Variants in FOXB2 observed in about 807,000 individuals in gnomAD.
FOXB2 encodes forkhead box B2.
A neutral mutation model predicts 0.9 loss-of-function variants in FOXB2; 1 was observed. The ratio of observed to expected loss-of-function variants is 1.09; its 90% CI spans 0.39 to 5.18. The LOEUF (loss-of-function observed/expected upper bound fraction) is 5.18, where lower values mean the gene tolerates loss of function less well. Among genes scored for constraint, FOXB2 ranks in the 30% most tolerant of loss-of-function variants. The pLI is 0.16. For synonymous variants in FOXB2, 322 were observed against 293.5 expected (o/e 1.10, Z -0.99); for missense variants, 670 against 626.6 (o/e 1.07, Z -0.74).
At position 77,020,846 on chromosome 9, in the gene FOXB2, T is replaced by C; in HGVS notation, c.1192T>C (p.Cys398Arg). 6.5e-7 allele frequency: 1 copy of C among 1,548,402 alleles called. No individual in the cohort carries two copies. Among genetic ancestry groups the C allele is most frequent in the African/African-American group, 1.4e-5 (1 of 73,300 alleles). ...SQQPPAPSTV[C>R]SAAAASPVAS... ...GCAGCCTCCGGCGCCATCCACCGTG[T>C]GCTCCGCGGCCGCGGCCTCGCCCGT... The change falls in exon 1 of 1, where the codon TGC becomes CGC. Residue 398 changes from cysteine to arginine, a missense_variant. Physicochemically the swap from Cys to Arg is radical, Grantham distance 180. Coordinates refer to ENST00000376708, the MANE Select transcript of FOXB2 (RefSeq NM_001013735.1). The surrounding 1 kb of genome is among the most constrained non-coding windows in gnomAD (Gnocchi z 4.9).
In FOXB2 at chr9:77,020,148, C is replaced by G. The variant is rs770862696; in HGVS notation, c.494C>G (p.Pro165Arg). ...CACCATCACCACCACCCACCCCAGCCGCCGCCGCCGCCGCCCCCGCCGCCG... is the reference window on the plus strand; with the variant it reads ...CACCATCACCACCACCCACCCCAGCGGCCGCCGCCGCCGCCCCCGCCGCCG... ...HHHHHHHPPQ[P>R]PPPPPPPPPH... The change falls in exon 1 of 1, where the codon CCG becomes CGG. Residue 165 changes from proline (P) to arginine (R), a missense_variant. Coordinates refer to ENST00000376708, the MANE Select transcript of FOXB2 (RefSeq NM_001013735.1). This position sits in a 1 kb window ranked among gnomAD's most constrained non-coding sequence, Gnocchi z 4.9. 2 of 1,240,566 alleles carry G rather than the reference C, an allele frequency of 1.6e-6. No individual in the cohort carries two copies. Among genetic ancestry groups the G allele is most frequent in the South Asian group, 2.5e-5 (2 of 80,106 alleles). 76.8% of individuals were successfully genotyped at this position (1,240,566 alleles called of 1,614,324 possible). A position where few individuals can be genotyped will look rare whatever the true frequency, so the allele number is the denominator to read the frequency against.
chr9:77,020,414 G>A lies in FOXB2; in HGVS notation c.760G>A (p.Ala254Thr). 1.3e-6 allele frequency: 2 copies of A among 1,578,784 alleles called. No individual in the cohort carries two copies. The highest frequency in any genetic ancestry group is 2.3e-5 in the South Asian group (2 of 88,668). Reference sequence around the variant, plus strand: ...ACCCTACGGGCTGGGCTCGGCCGCCGCCGCTGCCGCCGCGGCCGCGGCGTC... The same window carrying A: ...ACCCTACGGGCTGGGCTCGGCCGCCACCGCTGCCGCCGCGGCCGCGGCGTC... ...FPPYGLGSAA[A>T]AAAAAAASTS... Residue 254 changes from alanine (A) to threonine (T), a missense_variant, in exon 1 of 1, where the codon GCC (alanine) becomes ACC (threonine). Ala to Thr is a moderately conservative substitution (Grantham distance 58). Coordinates refer to ENST00000376708, the MANE Select transcript of FOXB2 (RefSeq NM_001013735.1). This position sits in a 1 kb window ranked among gnomAD's most constrained non-coding sequence, Gnocchi z 4.9.
Position 77,020,438 on chromosome 9 carries a change from T to G in FOXB2, c.784T>G (p.Ser262Ala). 3.4e-6 allele frequency: 5 copies of G among 1,489,212 alleles called. No individual in the cohort carries two copies. The South Asian group carries it at 3.5e-5, about 11-fold the overall frequency. 92.2% of individuals were successfully genotyped at this position (1,489,212 alleles called of 1,614,324 possible). Residue 262 changes from serine (S) to alanine (A), a missense_variant, in exon 1 of 1, where the codon TCC becomes GCC. Ser to Ala is a moderately conservative substitution (Grantham distance 99, BLOSUM62 1). Coordinates refer to ENST00000376708, the MANE Select transcript of FOXB2 (RefSeq NM_001013735.1). This position sits in a 1 kb window ranked among gnomAD's most constrained non-coding sequence, Gnocchi z 4.9. Reference sequence around the variant, plus strand: ...CGCCGCTGCCGCCGCGGCCGCGGCGTCCACGTCAGGCTTCAAGCACCCCTT... The same window carrying G: ...CGCCGCTGCCGCCGCGGCCGCGGCGGCCACGTCAGGCTTCAAGCACCCCTT... ...AAAAAAAAAA[S>A]TSGFKHPFAI...
rs374096294 is a variant in FOXB2 at position 77,020,443 on chromosome 9, G to C, written c.789G>C (p.Thr263=). The C allele has an allele frequency of 8.4e-6, 13 of 1,551,136 alleles. No individual in the cohort carries two copies. The Admixed American group carries it at 2.2e-4, about 26-fold the overall frequency. Reference sequence around the variant, plus strand: ...CTGCCGCCGCGGCCGCGGCGTCCACGTCAGGCTTCAAGCACCCCTTTGCCA... The same window carrying C: ...CTGCCGCCGCGGCCGCGGCGTCCACCTCAGGCTTCAAGCACCCCTTTGCCA... ...AAAAAAAAAS[T]SGFKHPFAIE... is the part of the protein sequence containing the mutation. The change falls in exon 1 of 1, where the codon ACG becomes ACC. Residue 263 remains threonine, a synonymous_variant. Coordinates refer to ENST00000376708, the MANE Select transcript of FOXB2 (RefSeq NM_001013735.1). The surrounding 1 kb of genome is among the most constrained non-coding windows in gnomAD (Gnocchi z 4.9).
rs2117939569 is a variant in FOXB2, at chr9:77,020,343, C to G, written c.689C>G (p.Ala230Gly). Residue 230 changes from alanine to glycine, a missense_variant, in exon 1 of 1, where the codon GCC (alanine) becomes GGC (glycine). Transcript: ENST00000376708. This position sits in a 1 kb window ranked among gnomAD's most constrained non-coding sequence, Gnocchi z 4.9. ...GCCGTGGCGGCGGCGGCGGCGGCGG[C>G]CGCGGCAGCCGCGGTGGGCAGCGTG... Reference protein sequence around the residue: ...AAAVAAAAAAAAAAAVGSVGR... With the variant: ...AAAVAAAAAAGAAAAVGSVGR... The G allele has an allele frequency of 2.5e-6, 3 of 1,211,504 alleles. No individual in the cohort carries two copies. Among genetic ancestry groups the G allele is most frequent in the African/African-American group, 1.6e-5 (1 of 62,226 alleles). The allele number at this position is 1,211,504 out of a possible 1,614,324, so 75.0% of individuals were successfully genotyped here.
In FOXB2 at chr9:77,020,328, C is replaced by T. The variant is rs763304734; in HGVS notation, c.674C>T (p.Ala225Val). ...ATGCAGGAGGCGGCGGCCGTGGCGG[C>T]GGCGGCGGCGGCGGCCGCGGCAGCC... The part of the protein sequence containing the change: ...GKMQEAAAVA[A>V]AAAAAAAAAV... The change falls in exon 1 of 1, where the codon GCG becomes GTG. Residue 225 changes from alanine to valine, a missense_variant. Ala to Val is a moderately conservative substitution (Grantham distance 64). Coordinates refer to ENST00000376708, the MANE Select transcript of FOXB2 (RefSeq NM_001013735.1). This position sits in a 1 kb window ranked among gnomAD's most constrained non-coding sequence, Gnocchi z 4.9. The T allele has an allele frequency of 5.2e-6, 6 of 1,154,436 alleles. No homozygotes were observed. The East Asian group carries it at 2.1e-4, about 40-fold the overall frequency. 71.5% of individuals were successfully genotyped at this position (1,154,436 alleles called of 1,614,324 possible). A position where few individuals can be genotyped will look rare whatever the true frequency, so the allele number is the denominator to read the frequency against.
rs780578827 is a variant in FOXB2 at position 77,020,625 on chromosome 9, C to T, written c.971C>T (p.Ala324Val). 1.3e-6 allele frequency: 2 copies of T among 1,596,930 alleles called. No individual in the cohort carries two copies. The highest frequency in any genetic ancestry group is 2.2e-5 in the South Asian group (2 of 89,620). The change falls in exon 1 of 1, where the codon GCC becomes GTC. Residue 324 changes from alanine to valine, a missense_variant. By Grantham distance (64) the Ala-to-Val change is moderately conservative. Coordinates refer to ENST00000376708, the MANE Select transcript of FOXB2 (RefSeq NM_001013735.1). The surrounding 1 kb of genome is among the most constrained non-coding windows in gnomAD (Gnocchi z 4.9). ...CACGTTGGCGTCATGGATTCGGTGGCCGCCGCCGCGGCCGCCGCAGCCGCA... is the reference window on the plus strand; with the variant it reads ...CACGTTGGCGTCATGGATTCGGTGGTCGCCGCCGCGGCCGCCGCAGCCGCA... ...WPHVGVMDSV[A>V]AAAAAAAAAG...
At position 77,019,714 on chromosome 9, in the gene FOXB2, G is replaced by A. The variant is rs1432108937; in HGVS notation, c.60G>A (p.Ser20=). The A allele has an allele frequency of 3.7e-6, 6 of 1,613,064 alleles. No homozygotes were observed. Among genetic ancestry groups the A allele is most frequent in the Non-Finnish European group, 5.1e-6 (6 of 1,179,546 alleles). ...SDQKPPYSYI[S]LTAMAIQHSA... ...AAAAACCGCCCTACTCTTACATCTC[G>A]CTGACCGCCATGGCAATCCAGCACT... Residue 20 remains serine (S), a synonymous_variant, in exon 1 of 1, where the codon TCG becomes TCA. Transcript: ENST00000376708. The surrounding 1 kb of genome is among the most constrained non-coding windows in gnomAD (Gnocchi z 4.4).
chr9:77,019,927 C>G lies in FOXB2; in HGVS notation c.273C>G (p.Pro91=), dbSNP rs1386028815. 6.2e-7 allele frequency: 1 copy of G among 1,613,490 alleles called. No homozygotes were observed. The highest frequency in any genetic ancestry group is 2.2e-5 in the East Asian group (1 of 44,842). Residue 91 remains proline (P), a synonymous_variant, in exon 1 of 1, where the codon CCC becomes CCG. Transcript: ENST00000376708. The surrounding 1 kb of genome is among the most constrained non-coding windows in gnomAD (Gnocchi z 4.4). The part of the protein sequence containing the change: ...PGKGSFWALH[P]DCGDMFENGS... The stretch of plus-strand genomic sequence containing the variant: ...AGGGTAGCTTCTGGGCGCTGCACCC[C>G]GACTGCGGGGACATGTTCGAGAACG...
chr9:77,020,116 A>ACACCACCACCAT lies in FOXB2; in HGVS notation c.473_484dup (p.His158_His161dup), dbSNP rs2063910339. On this transcript the variant is annotated inframe_insertion, in exon 1 of 1. Transcript: ENST00000376708. The surrounding 1 kb of genome is among the most constrained non-coding windows in gnomAD (Gnocchi z 4.9). ...ACCACCATCATCACCACGCTGCCGC[A>ACACCACCACCAT]CACCACCACCATCACCACCACCCAC... 7.0e-7 allele frequency: 1 copy of ACACCACCACCAT among 1,432,170 alleles called. No homozygotes were observed. The highest frequency in any genetic ancestry group is 2.1e-5 in the Admixed American group (1 of 47,002). 88.7% of individuals were successfully genotyped at this position (1,432,170 alleles called of 1,614,324 possible). A position where few individuals can be genotyped will look rare whatever the true frequency, so the allele number is the denominator to read the frequency against.
Position 77,020,141 on chromosome 9 carries a change from C to A in FOXB2, c.487C>A (p.Pro163Thr). Reference sequence around the variant, plus strand: ...ACACCACCACCATCACCACCACCCACCCCAGCCGCCGCCGCCGCCGCCCCC... The same window carrying A: ...ACACCACCACCATCACCACCACCCAACCCAGCCGCCGCCGCCGCCGCCCCC... ...AAHHHHHHHP[P>T]QPPPPPPPPP... The change falls in exon 1 of 1, where the codon CCC (proline) becomes ACC (threonine). Residue 163 changes from proline (P) to threonine (T), a missense_variant. Transcript: ENST00000376708. This position sits in a 1 kb window ranked among gnomAD's most constrained non-coding sequence, Gnocchi z 4.9. 1.4e-6 allele frequency: 2 copies of A among 1,416,536 alleles called. No homozygotes were observed. Among genetic ancestry groups the A allele is most frequent in the Non-Finnish European group, 1.9e-6 (2 of 1,028,148 alleles). The allele number at this position is 1,416,536 out of a possible 1,614,324, so 87.7% of individuals were successfully genotyped here. A position where few individuals can be genotyped will look rare whatever the true frequency, so the allele number is the denominator to read the frequency against.
rs2063915368 is a variant in FOXB2 at position 77,020,761 on chromosome 9, G to T, written c.1107G>T (p.Thr369=). The change falls in exon 1 of 1, where the codon ACG becomes ACT. Residue 369 remains threonine (T), a synonymous_variant. Coordinates refer to ENST00000376708, the MANE Select transcript of FOXB2 (RefSeq NM_001013735.1). This position sits in a 1 kb window ranked among gnomAD's most constrained non-coding sequence, Gnocchi z 4.9. ...LPAMPVPIKP[T]PALPPVSALQ... ...CCATGCCGGTGCCCATCAAGCCCACGCCTGCGCTGCCGCCCGTGTCCGCGC... is the reference window on the plus strand; with the variant it reads ...CCATGCCGGTGCCCATCAAGCCCACTCCTGCGCTGCCGCCCGTGTCCGCGC... 1 of 1,589,810 alleles carries T rather than the reference G, an allele frequency of 6.3e-7. No individual in the cohort carries two copies. The highest frequency in any genetic ancestry group is 2.3e-5 in the East Asian group (1 of 43,652).
At position 77,020,728 on chromosome 9, in the gene FOXB2, C is replaced by A; in HGVS notation, c.1074C>A (p.Ser358Arg). 4 of 1,596,332 alleles carry A rather than the reference C, an allele frequency of 2.5e-6. No individual in the cohort carries two copies. Among genetic ancestry groups the A allele is most frequent in the Non-Finnish European group, 3.4e-6 (4 of 1,173,976 alleles). ...VKSLCHSASQ[S>R]LPAMPVPIKP... Reference sequence around the variant, plus strand: ...CCCTGTGCCACTCGGCAAGCCAGAGCCTGCCTGCCATGCCGGTGCCCATCA... The same window carrying A: ...CCCTGTGCCACTCGGCAAGCCAGAGACTGCCTGCCATGCCGGTGCCCATCA... The change falls in exon 1 of 1, where the codon AGC (serine) becomes AGA (arginine). Residue 358 changes from serine to arginine, a missense_variant. Coordinates refer to ENST00000376708, the MANE Select transcript of FOXB2 (RefSeq NM_001013735.1). The surrounding 1 kb of genome is among the most constrained non-coding windows in gnomAD (Gnocchi z 4.9).
At position 77,020,320 on chromosome 9, in the gene FOXB2, C is replaced by G. The variant is rs540754001; in HGVS notation, c.666C>G (p.Ala222=). The change falls in exon 1 of 1, where the codon GCC becomes GCG. Residue 222 remains alanine, a synonymous_variant. Coordinates refer to ENST00000376708, the MANE Select transcript of FOXB2 (RefSeq NM_001013735.1). This position sits in a 1 kb window ranked among gnomAD's most constrained non-coding sequence, Gnocchi z 4.9. Reference sequence around the variant, plus strand: ...CCGGCAAGATGCAGGAGGCGGCGGCCGTGGCGGCGGCGGCGGCGGCGGCCG... The same window carrying G: ...CCGGCAAGATGCAGGAGGCGGCGGCGGTGGCGGCGGCGGCGGCGGCGGCCG... ...SHPGKMQEAA[A]VAAAAAAAAA... The G allele has an allele frequency of 8.8e-7, 1 of 1,142,842 alleles. No individual in the cohort carries two copies. Among genetic ancestry groups the G allele is most frequent in the Non-Finnish European group, 1.1e-6 (1 of 929,010 alleles). The allele number at this position is 1,142,842 out of a possible 1,614,324, so 70.8% of individuals were successfully genotyped here. A position where few individuals can be genotyped will look rare whatever the true frequency, so the allele number is the denominator to read the frequency against.
rs953265257 is a variant in FOXB2, at chr9:77,019,711, C to T, written c.57C>T (p.Ile19=). 1 of 1,612,898 alleles carries T rather than the reference C, an allele frequency of 6.2e-7. No homozygotes were observed. The highest frequency in any genetic ancestry group is 8.5e-7 in the Non-Finnish European group (1 of 1,179,504). ...ACCAAAAACCGCCCTACTCTTACAT[C>T]TCGCTGACCGCCATGGCAATCCAGC... ...YSDQKPPYSY[I]SLTAMAIQHS... The change falls in exon 1 of 1, where the codon ATC becomes ATT. Residue 19 remains isoleucine (I), a synonymous_variant. Coordinates refer to ENST00000376708, the MANE Select transcript of FOXB2 (RefSeq NM_001013735.1). The surrounding 1 kb of genome is among the most constrained non-coding windows in gnomAD (Gnocchi z 4.4).
chr9:77,020,532 C>T lies in FOXB2; in HGVS notation c.878C>T (p.Ser293Phe). The T allele has an allele frequency of 1.2e-6, 2 of 1,610,952 alleles. No homozygotes were observed. The highest frequency in any genetic ancestry group is 1.7e-6 in the Non-Finnish European group (2 of 1,179,214). Residue 293 changes from serine (S) to phenylalanine (F), a missense_variant, in exon 1 of 1, where the codon TCC (serine) becomes TTC (phenylalanine). Physicochemically the swap from Ser to Phe is radical, Grantham distance 155. Coordinates refer to ENST00000376708, the MANE Select transcript of FOXB2 (RefSeq NM_001013735.1). The surrounding 1 kb of genome is among the most constrained non-coding windows in gnomAD (Gnocchi z 4.9). ...CAGGCTGGAGGGCTGCCCTTGGCGTCCGTCATGCACCACCTGGGCTACCCC... is the reference window on the plus strand; with the variant it reads ...CAGGCTGGAGGGCTGCCCTTGGCGTTCGTCATGCACCACCTGGGCTACCCC... ...VLQAGGLPLA[S>F]VMHHLGYPVP...
rs1303779536 is a variant in FOXB2 at position 77,020,629 on chromosome 9, C to T, written c.975C>T (p.Ala325=). 6.3e-7 allele frequency: 1 copy of T among 1,588,574 alleles called. No homozygotes were observed. Among genetic ancestry groups the T allele is most frequent in the East Asian group, 2.3e-5 (1 of 43,096 alleles). Residue 325 remains alanine, a synonymous_variant, in exon 1 of 1, where the codon GCC becomes GCT. Transcript: ENST00000376708. The surrounding 1 kb of genome is among the most constrained non-coding windows in gnomAD (Gnocchi z 4.9). ...TTGGCGTCATGGATTCGGTGGCCGC[C>T]GCCGCGGCCGCCGCAGCCGCAGCCG... The part of the protein sequence containing the change: ...PHVGVMDSVA[A]AAAAAAAAGV...
At position 77,020,801 on chromosome 9, in the gene FOXB2, A is replaced by T. The variant is rs1210762470; in HGVS notation, c.1147A>T (p.Thr383Ser). 1 of 1,563,468 alleles carries T rather than the reference A, an allele frequency of 6.4e-7. No homozygotes were observed. Among genetic ancestry groups the T allele is most frequent in the South Asian group, 1.2e-5 (1 of 86,450 alleles). Residue 383 changes from threonine to serine, a missense_variant, in exon 1 of 1, where the codon ACT (threonine) becomes TCT (serine). Thr to Ser is a moderately conservative substitution (Grantham distance 58). Transcript: ENST00000376708. This position sits in a 1 kb window ranked among gnomAD's most constrained non-coding sequence, Gnocchi z 4.9. ...PPVSALQPGLTVPAASQQPPA... is the reference protein window; with the variant it reads ...PPVSALQPGLSVPAASQQPPA... ...CGTGTCCGCGCTGCAGCCGGGGCTC[A>T]CTGTCCCCGCGGCTTCGCAGCAGCC...
chr9:77,020,246 C>T lies in FOXB2; in HGVS notation c.592C>T (p.Pro198Ser), dbSNP rs558265520. The T allele has an allele frequency of 2.4e-6, 3 of 1,245,008 alleles. No individual in the cohort carries two copies. The highest frequency in any genetic ancestry group is 2.4e-5 in the South Asian group (2 of 83,990). 77.1% of individuals were successfully genotyped at this position (1,245,008 alleles called of 1,614,324 possible). Residue 198 changes from proline (P) to serine (S), a missense_variant, in exon 1 of 1, where the codon CCC becomes TCC. Transcript: ENST00000376708. The surrounding 1 kb of genome is among the most constrained non-coding windows in gnomAD (Gnocchi z 4.9). ...PQPPPHLPSQ[P>S]PQQPPQQSQP... is the part of the protein sequence containing the mutation. ...GCCGCCTCCGCACCTCCCGTCACAGCCCCCGCAGCAACCGCCCCAGCAGTC... is the reference window on the plus strand; with the variant it reads ...GCCGCCTCCGCACCTCCCGTCACAGTCCCCGCAGCAACCGCCCCAGCAGTC...
Sources: gnomAD v4.1 joint callset for allele counts on GRCh38, gnomAD v4.1.1 for gene constraint, Gnocchi (gnomAD v3.1) non-coding constraint, MANE v1.5 for transcripts, NCBI Gene and HGNC (gene_info 2026-07-23, HGNC 2026-07-21) for gene names.